Variants in ITGA9 observed in about 807,000 individuals in gnomAD.
ITGA9 encodes integrin alpha-9.
In ITGA9, 56 loss-of-function variants were observed where a neutral mutation model predicts 127.8. The ratio of observed to expected loss-of-function variants is 0.44; its 90% CI spans 0.35 to 0.55. ITGA9 has a LOEUF of 0.55. ITGA9 is among the 20% of genes least tolerant of loss of function. The pLI, the probability that ITGA9 is intolerant of heterozygous loss-of-function variation, is 0.00. For synonymous variants in ITGA9, 508 were observed against 514.5 expected (o/e 0.99, Z 0.17); for missense variants, 1,196 against 1,347.1 (o/e 0.89, Z 1.76).
At chr3:37,818,223 A>G (rs1575253540) in intron 27 of ITGA9, 1 of 104,894 alleles carries the variant, frequency 9.5e-6, no homozygotes, top group Non-Finnish European at 2.0e-5. Context: ...AAAAAGCCAC[A>G]CTTCCCAAAC....
intron 23 of ITGA9, among the ~76,000 whole-genome samples, chr3:37,761,189 T>G (rs1696719486): frequency 6.6e-6 from 1 of 152,228 alleles, no homozygotes; most frequent in Non-Finnish European, 1.5e-5. Context: ...TTCTCCTCAT[T>G]AAACTGGCAA....
intron 15 of ITGA9, among the ~76,000 whole-genome samples, chr3:37,588,797 G>A (rs553858405): frequency 6.6e-6 from 1 of 152,330 alleles, no homozygotes; most frequent in African/African-American, 2.4e-5. Flanking sequence ...GGGAGACTGA[G>A]CATGGCTGGT....
intron 18 of ITGA9, among the ~76,000 whole-genome samples, chr3:37,703,652 G>A (rs920790211): frequency 2.0e-5 from 3 of 152,168 alleles, no homozygotes; most frequent in African/African-American, 7.2e-5. Context: ...GCTAGTGTTT[G>A]CAAAAATAAG....
rs578066947 is a variant in ITGA9 at position 37,619,495 on chromosome 3, G to A, written c.1690-9692G>A. 9.8e-5 allele frequency among the ~76,000 whole-genome samples: 15 copies of A among 152,330 alleles called. No individual in the cohort carries two copies. The East Asian group carries it at 1.5e-3, about 16-fold the overall frequency. ...AAAAGTCTAGCCTCAGCCTGATCCC[G>A]TGCAGAAGCTCTGGAGCAGAGCTTA... is the stretch of plus-strand genomic sequence containing the variant. On this transcript the variant is annotated intron_variant, in intron 15 of 27. Transcript: ENST00000264741.
In ITGA9 at chr3:37,547,003, C is replaced by T. The variant is rs116546544; in HGVS notation, c.1689+4418C>T. On this transcript the variant is annotated intron_variant, in intron 15 of 27. Coordinates refer to ENST00000264741, the MANE Select transcript of ITGA9 (RefSeq NM_002207.3). ...AGCAGGCTCTTCAGGACCAGGGAAA[C>T]GATGGCAACAGTTCTGAGTCTGATG... Among the ~76,000 whole-genome samples, 607 of 152,246 alleles carry T rather than the reference C, an allele frequency of 4.0e-3. 4 individuals carry two copies. The highest frequency in any genetic ancestry group is 0.013 in the African/African-American group (548 of 41,526).
At chr3:37,581,361 T>C (rs1454739877) in intron 15 of ITGA9, among the ~76,000 whole-genome samples, 1 of 152,150 alleles carries the variant, frequency 6.6e-6, no homozygotes, top group Non-Finnish European at 1.5e-5. Flanking sequence ...CACTCAAACA[T>C]GGATCTTAGG....
At chr3:37,527,265 C>T (rs1699102538) in intron 13 of ITGA9, among the ~76,000 whole-genome samples, 1 of 152,196 alleles carries the variant, frequency 6.6e-6, no homozygotes, top group Non-Finnish European at 1.5e-5. Context: ...GAGTGTGCTG[C>T]ATTCCTATGG....
At chr3:37,611,632 A>G (rs892182165) in intron 15 of ITGA9, among the ~76,000 whole-genome samples, 3 of 152,158 alleles carry the variant, frequency 2.0e-5, no homozygotes, top group African/African-American at 7.2e-5. Flanking sequence ...TTAGCCCCCA[A>G]GCTGAGAAGA....
At chr3:37,785,922 A>G (rs1392800641) in intron 26 of ITGA9, among the ~76,000 whole-genome samples, 2 of 151,836 alleles carry the variant, frequency 1.3e-5, no homozygotes, top group Non-Finnish European at 2.9e-5. Flanking sequence ...GTGGCAAACC[A>G]CGAGGCTGAG....
chr3:37,556,139 G>A lies in ITGA9; in HGVS notation c.1689+13554G>A, dbSNP rs530030080. ...TTCCTGCTTAGCATGGCAGGGGCTG[G>A]GCCAGGCCAGGGTGGACCAGGTCTT... On this transcript the variant is annotated intron_variant, in intron 15 of 27. Coordinates refer to ENST00000264741, the MANE Select transcript of ITGA9 (RefSeq NM_002207.3). 3.3e-5 allele frequency among the ~76,000 whole-genome samples: 5 copies of A among 152,324 alleles called. No individual in the cohort carries two copies. In the East Asian group the frequency reaches 9.7e-4, roughly 29 times the overall value.
chr3:37,724,429 G>A lies in ITGA9; in HGVS notation c.2068-8283G>A, dbSNP rs138244352. Among the ~76,000 whole-genome samples, 376 of 152,250 alleles carry A rather than the reference G, an allele frequency of 2.5e-3. 4 individuals carry two copies. In the South Asian group the frequency reaches 0.028, roughly 11 times the overall value. ...TTATAAGTTCCTTATAGCCTGGATC[G>A]TATTCAACCAATAGTTTTTCCCCCT... On this transcript the variant is annotated intron_variant, in intron 18 of 27. Coordinates refer to ENST00000264741, the MANE Select transcript of ITGA9 (RefSeq NM_002207.3).
chr3:37,517,870 T>C (rs1163511168), intron 10 of ITGA9, among the ~76,000 whole-genome samples: 1 of 152,280 alleles, frequency 6.6e-6, no homozygotes, highest in Non-Finnish European at 1.5e-5. Flanking sequence ...GTGTTCTTTG[T>C]TGTTTGCAGT....
chr3:37,530,560 AG>A (rs1559529324), intron 13 of ITGA9, among the ~76,000 whole-genome samples: 29 of 152,072 alleles, frequency 1.9e-4, no homozygotes, highest in Admixed American at 1.3e-4. Context: ...CAGTGGCACC[AG>A]GGGTGAAGGC....
At chr3:37,738,786 T>A (rs13317139) in intron 20 of ITGA9, among the ~76,000 whole-genome samples, 11,016 of 152,224 alleles carry the variant, frequency 0.072, 1,187 homozygotes, top group African/African-American at 0.24. Flanking sequence ...GAGATTTCCC[T>A]TGTCAAAATA....
At chr3:37,677,961 T>C (rs956056865) in intron 17 of ITGA9, among the ~76,000 whole-genome samples, 7 of 152,248 alleles carry the variant, frequency 4.6e-5, no homozygotes, top group East Asian at 1.9e-4. Flanking sequence ...AGTTATGATA[T>C]TGCTCCTAGG....
rs371746626 is a variant in ITGA9, at chr3:37,511,514, A to G, written c.898-2249A>G. 2.0e-5 allele frequency among the ~76,000 whole-genome samples: 3 copies of G among 152,372 alleles called. No homozygotes were observed. In the South Asian group the frequency reaches 6.2e-4, roughly 32 times the overall value. ...AATAGTCCTTTGGAATGAAACAAATAGTTCCCCTGGGGCTCAGCCAGTGAG... is the reference window on the plus strand; with the variant it reads ...AATAGTCCTTTGGAATGAAACAAATGGTTCCCCTGGGGCTCAGCCAGTGAG... On this transcript the variant is annotated intron_variant, in intron 8 of 27. Transcript: ENST00000264741.
At chr3:37,630,740 A>G (rs186721431) in intron 16 of ITGA9, among the ~76,000 whole-genome samples, 5 of 152,340 alleles carry the variant, frequency 3.3e-5, no homozygotes, top group Non-Finnish European at 1.5e-5. Context: ...AGAGGTTTTG[A>G]TTTAAAACAC....
intron 18 of ITGA9, among the ~76,000 whole-genome samples, chr3:37,696,115 T>C (rs1016419372): frequency 2.0e-5 from 3 of 152,208 alleles, no homozygotes; most frequent in Non-Finnish European, 4.4e-5. Flanking sequence ...ATATATCTCA[T>C]TGGCCAGCAC....
chr3:37,519,244 G>A lies in ITGA9; in HGVS notation c.1142-16G>A, dbSNP rs755333273. On this transcript the variant is annotated splice_polypyrimidine_tract_variant and intron_variant, in intron 10 of 27. Transcript: ENST00000264741. ...TAATGTGGCTTTTTAACCCATAGCT[G>A]TTTTTTTACCCTCAGATGTGGCCAT... is the stretch of plus-strand genomic sequence containing the variant. 5.0e-6 allele frequency: 8 copies of A among 1,608,210 alleles called. No homozygotes were observed. Among genetic ancestry groups the A allele is most frequent in the African/African-American group, 1.3e-5 (1 of 74,752 alleles).
Sources: gnomAD v4.1 joint callset for allele counts (sites outside exome capture counted in the v4.1 genomes callset) on GRCh38, gnomAD v4.1.1 for gene constraint, MANE v1.5 for transcripts, NCBI Gene and HGNC (gene_info 2026-07-23, HGNC 2026-07-21) for gene names.